The following NXN variants were observed in gnomAD, a reference collection of about 807,000 sequenced individuals.
NXN encodes the protein nucleoredoxin.
NXN carries 16 observed loss-of-function variants against 48.6 expected under a neutral mutation model. The ratio of observed to expected loss-of-function variants is 0.33; its 90% CI spans 0.22 to 0.50. NXN has a LOEUF of 0.50. Ranked by LOEUF, NXN falls within the 20% of genes least tolerant of loss-of-function variation. The pLI is 0.98. For synonymous variants in NXN, 281 were observed against 269.6 expected (o/e 1.04, Z -0.41); for missense variants, 492 against 605.5 (o/e 0.81, Z 1.97).
At position 800,943 on chromosome 17, in the gene NXN, G is replaced by A; in HGVS notation, c.*6C>T. The A allele has an allele frequency of 6.9e-7, 1 of 1,442,186 alleles. No individual in the cohort carries two copies. 89.3% of individuals were successfully genotyped at this position (1,442,186 alleles called of 1,614,324 possible). ...TTAAATAACGTCTCAGGAGGCCGGA[G>A]CCACGCTAGATGGGCTCCGGTTTGA... On this transcript the variant is annotated 3_prime_UTR_variant, in exon 8 of 8. Transcript: ENST00000336868.
At chr17:888,831 T>C (rs1161922052) in intron 1 of NXN, among the ~76,000 whole-genome samples, 6 of 151,978 alleles carry the variant, frequency 3.9e-5, no homozygotes. Flanking sequence ...GGTGGGCACC[T>C]GTAATCCCAG....
In NXN at chr17:849,907, GC is replaced by G. The variant is rs1379892609; in HGVS notation, c.361-23830del. Among the ~76,000 whole-genome samples the G allele has an allele frequency of 2.0e-5, 3 of 152,110 alleles. No homozygotes were observed. The highest frequency in any genetic ancestry group is 2.0e-4 in the Admixed American group (3 of 15,276). On this transcript the variant is annotated intron_variant, in intron 1 of 7. Coordinates refer to ENST00000336868, the MANE Select transcript of NXN (RefSeq NM_022463.5). The surrounding 1 kb of genome is among the most constrained non-coding windows in gnomAD (Gnocchi z 4.2). ...AGGAGCGAACGAGAGAAGCTGCAGA[GC>G]CCCCAAGGAGCCCGAGAGCGACCTG...
intron 1 of NXN, among the ~76,000 whole-genome samples, chr17:869,338 C>A (rs2068127046): frequency 6.6e-6 from 1 of 152,130 alleles, no homozygotes; most frequent in Non-Finnish European, 1.5e-5. Flanking sequence ...GCTTCTGACT[C>A]ACCAGGCACC....
chr17:906,149 T>G (rs918328333), intron 1 of NXN, among the ~76,000 whole-genome samples: 4 of 152,150 alleles, frequency 2.6e-5, no homozygotes, highest in African/African-American at 9.7e-5. Flanking sequence ...CTGGTGCACT[T>G]TATACCTTCA....
intron 1 of NXN, among the ~76,000 whole-genome samples, chr17:837,602 T>TG (rs1286158626): frequency 6.6e-6 from 1 of 152,220 alleles, no homozygotes; most frequent in African/African-American, 2.4e-5. Flanking sequence ...CCCTTGTTCC[T>TG]GGGGGGCCCA....
chr17:828,944 G>GA (rs1206725892), intron 1 of NXN, among the ~76,000 whole-genome samples: 1 of 151,966 alleles, frequency 6.6e-6, no homozygotes, highest in Non-Finnish European at 1.5e-5. Context: ...AAAAAGTCGG[G>GA]AAACAGCAAA....
intron 5 of NXN, among the ~76,000 whole-genome samples, chr17:807,483 A>G (rs1268691818): frequency 1.3e-5 from 2 of 152,166 alleles, no homozygotes; most frequent in Non-Finnish European, 2.9e-5. Flanking sequence ...GGGCTCTCCG[A>G]GGGCCTCCTC....
chr17:891,128 TCACACAGTGG>T (rs1326393903), intron 1 of NXN, among the ~76,000 whole-genome samples: 1 of 152,114 alleles, frequency 6.6e-6, no homozygotes, highest in Non-Finnish European at 1.5e-5. Context: ...GCCCAGGCTG[TCACACAGTGG>T]CACGATCACA....
intron 1 of NXN, among the ~76,000 whole-genome samples, chr17:909,168 C>T (rs1341356379): frequency 6.9e-6 from 1 of 145,376 alleles, no homozygotes; most frequent in Non-Finnish European, 1.5e-5. Context: ...ACGAGAGGAA[C>T]ACATCTCAAA....
rs114697261 is a variant in NXN at position 875,351 on chromosome 17, C to T, written c.361-49273G>A. Among the ~76,000 whole-genome samples the T allele has an allele frequency of 1.8e-3, 279 of 152,006 alleles. 2 individuals are homozygous for T. Among genetic ancestry groups the T allele is most frequent in the African/African-American group, 6.4e-3 (266 of 41,474 alleles). On this transcript the variant is annotated intron_variant, in intron 1 of 7. Transcript: ENST00000336868. Reference sequence around the variant, plus strand: ...CGGGTGCTATACTACCTCTTTTAATCCTCACAACAGAATCTTCTATACTAT... The same window carrying T: ...CGGGTGCTATACTACCTCTTTTAATTCTCACAACAGAATCTTCTATACTAT...
At chr17:946,274 T>C (rs1294978050) in intron 1 of NXN, among the ~76,000 whole-genome samples, 2 of 151,894 alleles carry the variant, frequency 1.3e-5, no homozygotes, top group East Asian at 3.9e-4. Flanking sequence ...GTTCAAGCGA[T>C]TCTCCTGCCT....
At chr17:811,516 G>GC (rs1027998649) in intron 5 of NXN, among the ~76,000 whole-genome samples, 2 of 152,030 alleles carry the variant, frequency 1.3e-5, no homozygotes, top group African/African-American at 4.8e-5. Context: ...GGTTGGGGGG[G>GC]GGGCAGCACT....
chr17:978,860 C>T lies in NXN; in HGVS notation c.360+459G>A, dbSNP rs1174475952. On this transcript the variant is annotated intron_variant, in intron 1 of 7. Coordinates refer to ENST00000336868, the MANE Select transcript of NXN (RefSeq NM_022463.5). The surrounding 1 kb of genome is among the most constrained non-coding windows in gnomAD (Gnocchi z 4.1). ...GCCCTCCCCTCCCCTCCCCTCCCCACTGTGGGAATCCGCGGGGGTCGGCGG... is the reference window on the plus strand; with the variant it reads ...GCCCTCCCCTCCCCTCCCCTCCCCATTGTGGGAATCCGCGGGGGTCGGCGG... 6.6e-6 allele frequency among the ~76,000 whole-genome samples: 1 copy of T among 151,372 alleles called. No homozygotes were observed. Among genetic ancestry groups the T allele is most frequent in the Non-Finnish European group, 1.5e-5 (1 of 67,766 alleles).
At chr17:837,768 T>A (rs991907279) in intron 1 of NXN, among the ~76,000 whole-genome samples, 3 of 152,186 alleles carry the variant, frequency 2.0e-5, no homozygotes, top group African/African-American at 4.8e-5. Context: ...GACCAGCCCG[T>A]GTGACCAAGG....
chr17:824,547 C>T (rs562548545), intron 2 of NXN, among the ~76,000 whole-genome samples: 1 of 152,342 alleles, frequency 6.6e-6, no homozygotes, highest in African/African-American at 2.4e-5. Context: ...CCGTCACATC[C>T]CAGCGGCTGT....
At chr17:955,226 G>T (rs964279095) in intron 1 of NXN, among the ~76,000 whole-genome samples, 5 of 145,574 alleles carry the variant, frequency 3.4e-5, no homozygotes, top group Non-Finnish European at 7.4e-5. Flanking sequence ...GGAGTGCAGT[G>T]CTATGTTCTC....
At position 822,467 on chromosome 17, in the gene NXN, A is replaced by G; in HGVS notation, c.613-10T>C. ...TTCGGCAGGGCGGACACTGAAAGAC[A>G]GGACAGCAAGACCCGCTGCGTCACG... On this transcript the variant is annotated splice_polypyrimidine_tract_variant and intron_variant, in intron 3 of 7. Transcript: ENST00000336868. 1 of 1,605,124 alleles carries G rather than the reference A, an allele frequency of 6.2e-7. No individual in the cohort carries two copies. The highest frequency in any genetic ancestry group is 8.5e-7 in the Non-Finnish European group (1 of 1,172,054).
In NXN at chr17:810,347, C is replaced by T. The variant is rs1335950769; in HGVS notation, c.821-5100G>A. On this transcript the variant is annotated intron_variant, in intron 5 of 7. Coordinates refer to ENST00000336868, the MANE Select transcript of NXN (RefSeq NM_022463.5). ...TACGAGTGCATGTGAGTGGCGTGTACGTTAAGAGTCCGTGTGAGTTGCTGC... is the reference window on the plus strand; with the variant it reads ...TACGAGTGCATGTGAGTGGCGTGTATGTTAAGAGTCCGTGTGAGTTGCTGC... 4.6e-5 allele frequency among the ~76,000 whole-genome samples: 7 copies of T among 151,516 alleles called. 1 individual carries two copies. The highest frequency in any genetic ancestry group is 2.0e-4 in the Admixed American group (3 of 15,148).
At chr17:929,241 C>T (rs1475976044) in intron 1 of NXN, among the ~76,000 whole-genome samples, 1 of 152,226 alleles carries the variant, frequency 6.6e-6, no homozygotes, top group African/African-American at 2.4e-5. Context: ...TCCACTCTGT[C>T]CCCCACCACC....
Sources: gnomAD v4.1 joint callset for allele counts (sites outside exome capture counted in the v4.1 genomes callset) on GRCh38, gnomAD v4.1.1 for gene constraint, Gnocchi (gnomAD v3.1) non-coding constraint, MANE v1.5 for transcripts, NCBI Gene and HGNC (gene_info 2026-07-23, HGNC 2026-07-21) for gene names.